The following ST6GALNAC3 variants were observed in gnomAD, a reference collection of about 807,000 sequenced individuals.
The protein encoded by ST6GALNAC3 is ST6 N-acetylgalactosaminide alpha-2,6-sialyltransferase 3.
ST6GALNAC3 carries 25 observed loss-of-function variants against 32.7 expected under a neutral mutation model. The observed-to-expected ratio is 0.76, with a 90% CI of 0.56 to 1.07. ST6GALNAC3 has a LOEUF of 1.07. Ranked by LOEUF, ST6GALNAC3 falls within the 50% of genes least tolerant of loss-of-function variation. ST6GALNAC3 has a pLI of 0.00. For synonymous variants in ST6GALNAC3, 129 were observed against 133.1 expected (o/e 0.97, Z 0.21); for missense variants, 355 against 382.4 (o/e 0.93, Z 0.60).
chr1:76,616,067 G>A (rs990713436), intron 3 of ST6GALNAC3, among the ~76,000 whole-genome samples: 5 of 152,154 alleles, frequency 3.3e-5, no homozygotes, highest in African/African-American at 7.2e-5. Context: ...GGTATGGGGA[G>A]GGTGTGCACA....
At chr1:76,620,230 A>T (rs1270958042) in intron 3 of ST6GALNAC3, among the ~76,000 whole-genome samples, 1 of 152,110 alleles carries the variant, frequency 6.6e-6, no homozygotes, top group East Asian at 1.9e-4. Context: ...GCATTTCAGG[A>T]AGAAGAAAAG....
chr1:76,218,439 T>C (rs1655593475), intron 1 of ST6GALNAC3, among the ~76,000 whole-genome samples: 1 of 152,212 alleles, frequency 6.6e-6, no homozygotes, highest in Non-Finnish European at 1.5e-5. Flanking sequence ...TTGAGTACCT[T>C]CCATCAGATA....
intron 2 of ST6GALNAC3, among the ~76,000 whole-genome samples, chr1:76,400,322 A>G (rs1259759375): frequency 6.6e-6 from 1 of 152,214 alleles, no homozygotes; most frequent in East Asian, 1.9e-4. Context: ...ATTTGATTTT[A>G]CTGTTAATAT....
intron 3 of ST6GALNAC3, among the ~76,000 whole-genome samples, chr1:76,480,021 G>C (rs969660903): frequency 6.6e-6 from 1 of 152,060 alleles, no homozygotes; most frequent in African/African-American, 2.4e-5. Flanking sequence ...GGTTGATAAA[G>C]GCAACAGAAT....
intron 3 of ST6GALNAC3, among the ~76,000 whole-genome samples, chr1:76,476,960 C>A (rs2101642450): frequency 6.6e-6 from 1 of 152,218 alleles, no homozygotes; most frequent in African/African-American, 2.4e-5. Context: ...TGGCATCTGA[C>A]TCTCTGTGGA....
Position 76,628,899 on chromosome 1 carries a change from A to G in ST6GALNAC3, c.*93A>G. The G allele has an allele frequency of 7.0e-6, 11 of 1,560,854 alleles. No individual in the cohort carries two copies. The highest frequency in any genetic ancestry group is 9.5e-6 in the Non-Finnish European group (11 of 1,162,700). On this transcript the variant is annotated 3_prime_UTR_variant, in exon 5 of 5. Coordinates refer to ENST00000328299, the MANE Select transcript of ST6GALNAC3 (RefSeq NM_152996.4). Reference sequence around the variant, plus strand: ...TGCTAATGGAGATGATGGTAATGATAAAGACAACAACAATGATTATCAAGT... The same window carrying G: ...TGCTAATGGAGATGATGGTAATGATGAAGACAACAACAATGATTATCAAGT...
intron 3 of ST6GALNAC3, among the ~76,000 whole-genome samples, chr1:76,442,169 C>A (rs74089949): frequency 0.011 from 1,643 of 152,160 alleles, 28 homozygotes; most frequent in African/African-American, 0.037. Context: ...AGTTTATGTC[C>A]ATTTCCCTTT....
At chr1:76,147,736 C>T (rs775909765) in intron 1 of ST6GALNAC3, among the ~76,000 whole-genome samples, 3 of 152,168 alleles carry the variant, frequency 2.0e-5, no homozygotes, top group African/African-American at 4.8e-5. Context: ...CCAATACAGG[C>T]GGAATGAATG....
At chr1:76,078,345 T>C (rs753039275) in intron 1 of ST6GALNAC3, among the ~76,000 whole-genome samples, 1 of 152,214 alleles carries the variant, frequency 6.6e-6, no homozygotes, top group Non-Finnish European at 1.5e-5. Context: ...AATTTTGGTC[T>C]TTTAGGGGAT....
At chr1:76,317,958 A>G (rs777769805) in intron 2 of ST6GALNAC3, among the ~76,000 whole-genome samples, 4 of 152,106 alleles carry the variant, frequency 2.6e-5, no homozygotes, top group Admixed American at 6.6e-5. Context: ...GATTGGCACA[A>G]GTGAAAATAT....
chr1:76,350,514 A>G (rs1261519901), intron 2 of ST6GALNAC3, among the ~76,000 whole-genome samples: 2 of 152,224 alleles, frequency 1.3e-5, no homozygotes, highest in Non-Finnish European at 2.9e-5. Context: ...GACACATTTT[A>G]AAAACATTAG....
intron 3 of ST6GALNAC3, among the ~76,000 whole-genome samples, chr1:76,448,216 C>G (rs1007782400): frequency 3.9e-5 from 6 of 152,168 alleles, no homozygotes; most frequent in African/African-American, 1.4e-4. Flanking sequence ...TTTCACTGCC[C>G]TGCTGGGGAC....
At chr1:76,139,934 C>G (rs926935508) in intron 1 of ST6GALNAC3, among the ~76,000 whole-genome samples, 5 of 152,330 alleles carry the variant, frequency 3.3e-5, no homozygotes, top group African/African-American at 1.2e-4. Context: ...GAATCCTCAC[C>G]TGTCTCGAGG....
chr1:76,240,106 T>A (rs961037693), intron 1 of ST6GALNAC3, among the ~76,000 whole-genome samples: 3 of 152,176 alleles, frequency 2.0e-5, no homozygotes, highest in African/African-American at 7.2e-5. Context: ...AAAAAGTTGC[T>A]AGGAAAATTA....
chr1:76,145,909 A>T (rs1271071229), intron 1 of ST6GALNAC3, among the ~76,000 whole-genome samples: 5 of 152,198 alleles, frequency 3.3e-5, no homozygotes, highest in Admixed American at 1.3e-4. Context: ...TAATTTAAAA[A>T]TTTGCTCTCT....
At chr1:76,260,504 C>G (rs550066782) in intron 1 of ST6GALNAC3, among the ~76,000 whole-genome samples, 1 of 152,250 alleles carries the variant, frequency 6.6e-6, no homozygotes, top group East Asian at 1.9e-4. Flanking sequence ...AACAACAGCC[C>G]TATGAGATAG....
At chr1:76,557,584 T>C (rs1665002853) in intron 3 of ST6GALNAC3, among the ~76,000 whole-genome samples, 1 of 152,084 alleles carries the variant, frequency 6.6e-6, no homozygotes, top group Non-Finnish European at 1.5e-5. Context: ...GGTAGCCTTA[T>C]GGAGCAAATA....
intron 2 of ST6GALNAC3, among the ~76,000 whole-genome samples, chr1:76,336,199 C>T (rs1647459839): frequency 6.6e-6 from 1 of 152,172 alleles, no homozygotes; most frequent in Non-Finnish European, 1.5e-5. Context: ...ATTGCATTTA[C>T]ATGAGGAAAG....
intron 1 of ST6GALNAC3, among the ~76,000 whole-genome samples, chr1:76,139,369 TACACATATAAACATAC>T: frequency 6.6e-6 from 1 of 152,096 alleles, no homozygotes; most frequent in South Asian, 2.1e-4. Flanking sequence ...TATAAACATA[TACACATATAAACATAC>T]ACACATAGAA....
Sources: gnomAD v4.1 joint callset for allele counts (sites outside exome capture counted in the v4.1 genomes callset) on GRCh38, gnomAD v4.1.1 for gene constraint, MANE v1.5 for transcripts, NCBI Gene and HGNC (gene_info 2026-07-23, HGNC 2026-07-21) for gene names.